BAZ1A: variants seen among roughly 807,000 people sequenced by gnomAD.
BAZ1A encodes bromodomain adjacent to zinc finger domain protein 1A.
A neutral mutation model predicts 185.2 loss-of-function variants in BAZ1A; 50 were observed. The observed-to-expected ratio is 0.27, with a 90% CI of 0.22 to 0.34. The LOEUF (loss-of-function observed/expected upper bound fraction) is 0.34. BAZ1A is among the 10% of genes least tolerant of loss of function. The pLI is 1.00. For missense variants in BAZ1A, 1,356 were observed against 1,839.9 expected, an observed-to-expected ratio of 0.74 and a Z score of 4.81; for synonymous variants, 571 against 615.6, an observed-to-expected ratio of 0.93 and a Z score of 1.07.
chr14:34,821,508 G>C (rs888241835), intron 4 of BAZ1A, among the ~76,000 whole-genome samples: 5 of 152,158 alleles, frequency 3.3e-5, no homozygotes, highest in African/African-American at 7.2e-5. Context: ...TCAAATTAGA[G>C]AACTTTTAAA....
At chr14:34,833,869 T>G (rs928201658) in intron 3 of BAZ1A, among the ~76,000 whole-genome samples, 6 of 152,108 alleles carry the variant, frequency 3.9e-5, no homozygotes, top group Non-Finnish European at 8.8e-5. Context: ...AAATTTTATG[T>G]TTATTTTACT....
chr14:34,846,711 T>C (rs1200096308), intron 3 of BAZ1A, among the ~76,000 whole-genome samples: 1 of 152,142 alleles, frequency 6.6e-6, no homozygotes, highest in Non-Finnish European at 1.5e-5. Flanking sequence ...ATGTTAACTG[T>C]TCAACTTGCA....
chr14:34,837,314 T>G (rs968186078), intron 3 of BAZ1A, among the ~76,000 whole-genome samples: 1 of 151,840 alleles, frequency 6.6e-6, no homozygotes, highest in African/African-American at 2.4e-5. Context: ...TGATCTTAGT[T>G]CACTGCCATT....
chr14:34,771,230 G>A (rs1594820126), intron 21 of BAZ1A: 5 of 255,508 alleles, frequency 2.0e-5, no homozygotes, highest in Admixed American at 1.1e-4. Flanking sequence ...TCAAACTCTT[G>A]GGCTCAAGCG....
intron 12 of BAZ1A, 168 bp from the exon 13 acceptor site, chr14:34,786,389 C>G: frequency 1.7e-6 from 1 of 589,070 alleles, no homozygotes; most frequent in Non-Finnish European, 2.9e-6. Context: ...TCACCACCTA[C>G]AGCTATAAAT....
At position 34,832,222 on chromosome 14, in the gene BAZ1A, A is replaced by ATATATG. The variant is rs1555343257; in HGVS notation, c.393-6067_393-6066insCATATA. On this transcript the variant is annotated intron_variant, in intron 3 of 26. Coordinates refer to ENST00000360310, the MANE Select transcript of BAZ1A (RefSeq NM_013448.3). ...CACACACACACACACACACATATAT[A>ATATATG]TATATATATGTATGTATGTATATTT... is the stretch of plus-strand genomic sequence containing the variant. 6.1e-4 allele frequency among the ~76,000 whole-genome samples: 87 copies of ATATATG among 142,538 alleles called. 6 individuals carry two copies. The South Asian group carries it at 0.012, about 20-fold the overall frequency. 93.5% of individuals were successfully genotyped at this position (142,538 alleles called of 152,430 possible). A position where few individuals can be genotyped will look rare whatever the true frequency, so the allele number is the denominator to read the frequency against.
At chr14:34,817,783 G>A (rs1174612356) in intron 4 of BAZ1A, among the ~76,000 whole-genome samples, 1 of 152,152 alleles carries the variant, frequency 6.6e-6, no homozygotes, top group Non-Finnish European at 1.5e-5. Context: ...TCAAAACCAT[G>A]AGATACCATT....
Position 34,783,814 on chromosome 14 carries a change from G to A in BAZ1A, c.1945C>T (p.Arg649Trp). 1 of 1,612,380 alleles carries A rather than the reference G, an allele frequency of 6.2e-7. No individual in the cohort carries two copies. The highest frequency in any genetic ancestry group is 8.5e-7 in the Non-Finnish European group (1 of 1,179,316). Reference sequence around the variant, plus strand: ...CGATGTTGTTCTGCTTTTAATTCCCGGAACTCCTGCTTTGCCTGTCGTAAT... The same window carrying A: ...CGATGTTGTTCTGCTTTTAATTCCCAGAACTCCTGCTTTGCCTGTCGTAAT... ...DILRQAKQEF[R>W]ELKAEQHRKE... Residue 649 changes from arginine (R) to tryptophan (W), a missense_variant, in exon 15 of 27, where the codon CGG becomes TGG. Physicochemically the swap from Arg to Trp is moderately radical, Grantham distance 101. Coordinates refer to ENST00000360310, the MANE Select transcript of BAZ1A (RefSeq NM_013448.3).
At position 34,874,246 on chromosome 14, in the gene BAZ1A, G is replaced by A. The variant is rs931390552; in HGVS notation, c.113+246C>T. 4 of 406,970 alleles carry A rather than the reference G, an allele frequency of 9.8e-6. No individual in the cohort carries two copies. The highest frequency in any genetic ancestry group is 5.0e-5 in the South Asian group (2 of 40,124). The allele number at this position is 406,970 out of a possible 1,614,324, so 25.2% of individuals were successfully genotyped here. On this transcript the variant is annotated intron_variant, in intron 2 of 26. Coordinates refer to ENST00000360310, the MANE Select transcript of BAZ1A (RefSeq NM_013448.3). The surrounding 1 kb of genome is among the most constrained non-coding windows in gnomAD (Gnocchi z 4.7). ...AGCAGCGGCTAGGAGCGGTCCCCGAGGCCGGCCAGGGACCCAGCCTCCTCC... is the reference window on the plus strand; with the variant it reads ...AGCAGCGGCTAGGAGCGGTCCCCGAAGCCGGCCAGGGACCCAGCCTCCTCC...
chr14:34,776,447 G>T lies in BAZ1A; in HGVS notation c.2305C>A (p.Pro769Thr). ...QEQINCVTRE[P>T]LTADEEEALK... is the part of the protein sequence containing the mutation. ...GCTTCTTCCTCATCAGCAGTAAGAG[G>T]CTCTCTTGTTACACAGTTGATCTGT... Residue 769 changes from proline (P) to threonine (T), a missense_variant, in exon 18 of 27, where the codon CCT becomes ACT. Pro to Thr is a conservative substitution (Grantham distance 38). This residue lies in a region of BAZ1A where 434 missense variants were observed against 561.7 expected (regional missense o/e 0.77). Transcript: ENST00000360310. The T allele has an allele frequency of 6.2e-7, 1 of 1,613,784 alleles. No homozygotes were observed.
Position 34,865,672 on chromosome 14 carries a change from T to C in BAZ1A, c.114-3350A>G, listed in dbSNP as rs534005324. Among the ~76,000 whole-genome samples, 5 of 152,338 alleles carry C rather than the reference T, an allele frequency of 3.3e-5. No individual in the cohort carries two copies. In the South Asian group the frequency reaches 1.0e-3, roughly 32 times the overall value. On this transcript the variant is annotated intron_variant, in intron 2 of 26. Coordinates refer to ENST00000360310, the MANE Select transcript of BAZ1A (RefSeq NM_013448.3). ...GAAATAGCATGCATATGCCAAGTTA[T>C]ATGGCTCTTAATTCAGTACAAAGAA...
At chr14:34,762,484 A>ATTT (rs112735113) in intron 23 of BAZ1A, among the ~76,000 whole-genome samples, 1 of 145,362 alleles carries the variant, frequency 6.9e-6, no homozygotes, top group Non-Finnish European at 1.5e-5. Context: ...TCTTTTCTTT[A>ATTT]TTTTTTTTTT....
At chr14:34,859,773 A>G (rs1239579980) in intron 3 of BAZ1A, among the ~76,000 whole-genome samples, 2 of 152,176 alleles carry the variant, frequency 1.3e-5, no homozygotes, top group Middle Eastern at 3.2e-3. Flanking sequence ...AGAGAAGACA[A>G]ACAAAATAGC....
chr14:34,872,933 A>C (rs939600107), intron 2 of BAZ1A, among the ~76,000 whole-genome samples: 2 of 124,328 alleles, frequency 1.6e-5, no homozygotes, highest in Admixed American at 7.7e-5. Context: ...AAAAAAAAAA[A>C]AAAAAAAACT....
At position 34,786,033 on chromosome 14, in the gene BAZ1A, G is replaced by T. The variant is rs75162646; in HGVS notation, c.1607-32C>A. 2.2e-3 allele frequency: 3,559 copies of T among 1,598,082 alleles called. 56 individuals carry two copies. In the East Asian group the frequency reaches 0.044, roughly 20 times the overall value. On this transcript the variant is annotated intron_variant, in intron 13 of 26. Transcript: ENST00000360310. ...TTGTTAAAAATGAAATAGTCATTTA[G>T]AATATAAACAATAAATACTCAGCAA...
chr14:34,754,026 A>G (rs1228755915), intron 26 of BAZ1A, among the ~76,000 whole-genome samples: 3 of 151,786 alleles, frequency 2.0e-5, no homozygotes, highest in Non-Finnish European at 4.4e-5. Flanking sequence ...GCCGAGGCAG[A>G]CGGATCACCT....
intron 5 of BAZ1A, among the ~76,000 whole-genome samples, chr14:34,808,259 T>C (rs961094402): frequency 1.5e-4 from 23 of 151,960 alleles, no homozygotes; most frequent in African/African-American, 5.6e-4. Context: ...TTTGGGAGGC[T>C]GAGGAGGGTG....
intron 14 of BAZ1A, among the ~76,000 whole-genome samples, chr14:34,784,410 C>CA (rs1442954187): frequency 6.9e-6 from 1 of 144,646 alleles, no homozygotes; most frequent in Non-Finnish European, 1.5e-5. Flanking sequence ...ACTTTGAATC[C>CA]AATTTGCAGC....
intron 2 of BAZ1A, among the ~76,000 whole-genome samples, chr14:34,864,629 C>A (rs909231760): frequency 6.7e-6 from 1 of 148,940 alleles, no homozygotes; most frequent in African/African-American, 2.5e-5. Context: ...TACAGACGCG[C>A]GCCACCACAC....
Sources: allele counts gnomAD v4.1 joint callset (sites outside exome capture counted in the v4.1 genomes callset), GRCh38; gene constraint gnomAD v4.1.1; regional missense constraint gnomAD v4.1.1; non-coding constraint Gnocchi (gnomAD v3.1); transcripts MANE v1.5; gene names NCBI Gene and HGNC (gene_info 2026-07-23, HGNC 2026-07-21).